The following MEIS1 variants were observed in gnomAD, a reference collection of about 807,000 sequenced individuals.
The protein encoded by MEIS1 is homeobox protein Meis1.
In MEIS1, 5 loss-of-function variants were observed where a neutral mutation model predicts 50.8. The observed-to-expected ratio is 0.10, with a 90% CI of 0.05 to 0.21. MEIS1 has a LOEUF of 0.21. Ranked by LOEUF, MEIS1 falls within the 10% of genes least tolerant of loss-of-function variation. The pLI is 1.00. For missense variants in MEIS1, 318 were observed against 517.3 expected (o/e 0.61, Z 3.74); for synonymous variants, 176 against 179.3 (o/e 0.98, Z 0.15).
chr2:66,472,246 G>A (rs762573169), intron 7 of MEIS1, among the ~76,000 whole-genome samples: 3 of 152,168 alleles, frequency 2.0e-5, no homozygotes, highest in Non-Finnish European at 4.4e-5. Flanking sequence ...TCTTCACATG[G>A]TGTCATTCTT....
chr2:66,509,171 A>G, intron 7 of MEIS1: 1 of 383,076 alleles, frequency 2.6e-6, no homozygotes, highest in East Asian at 8.1e-5. Context: ...ACATTTCCAG[A>G]TCAATTTTCA....
At chr2:66,469,456 C>G (rs1672717201) in intron 7 of MEIS1, among the ~76,000 whole-genome samples, 1 of 151,958 alleles carries the variant, frequency 6.6e-6, no homozygotes, top group Non-Finnish European at 1.5e-5. Flanking sequence ...GAGCACCGGG[C>G]GAGGGAGGTG....
intron 7 of MEIS1, among the ~76,000 whole-genome samples, chr2:66,478,224 T>A (rs1325872010): frequency 6.6e-6 from 1 of 152,056 alleles, no homozygotes; most frequent in Non-Finnish European, 1.5e-5. Flanking sequence ...TGGAAAACAT[T>A]AATTGCTCCA....
chr2:66,439,343 A>C, intron 2 of MEIS1: 3 of 1,189,110 alleles, frequency 2.5e-6, no homozygotes, highest in Admixed American at 4.3e-5. Context: ...CCCCACGGCC[A>C]TGGACGTCCT....
At chr2:66,473,397 A>AAAAAATATATATATATATAT in intron 7 of MEIS1, among the ~76,000 whole-genome samples, 18 of 107,564 alleles carry the variant, frequency 1.7e-4, no homozygotes, top group African/African-American at 9.3e-4. Context: ...AAAAAAAAAA[A>AAAAAATATATATATATATAT]ATATATATAT....
At chr2:66,539,753 A>T (rs1674606204) in intron 8 of MEIS1, among the ~76,000 whole-genome samples, 1 of 152,204 alleles carries the variant, frequency 6.6e-6, no homozygotes, top group Non-Finnish European at 1.5e-5. Context: ...ACTATTAATA[A>T]AGTTCCTTTG....
At position 66,567,527 on chromosome 2, in the gene MEIS1, T is replaced by G; in HGVS notation, c.1024+16T>G. The G allele has an allele frequency of 1.2e-6, 2 of 1,613,274 alleles. No individual in the cohort carries two copies. The highest frequency in any genetic ancestry group is 1.7e-6 in the Non-Finnish European group (2 of 1,179,530). The stretch of plus-strand genomic sequence containing the variant: ...AACCGAGCAGGCAAGTCCCCCATAG[T>G]GACTGTATTCAAGTCACGCAAGCGA... On this transcript the variant is annotated intron_variant, in intron 10 of 12. Transcript: ENST00000272369.
intron 6 of MEIS1, among the ~76,000 whole-genome samples, chr2:66,446,836 T>A (rs1672163499): frequency 6.6e-6 from 1 of 152,220 alleles, no homozygotes; most frequent in Non-Finnish European, 1.5e-5. Context: ...GCCAGGCCTC[T>A]GGGATCTGGG....
intron 7 of MEIS1, among the ~76,000 whole-genome samples, chr2:66,499,912 A>T (rs1333113675): frequency 6.6e-6 from 1 of 152,206 alleles, no homozygotes; most frequent in Non-Finnish European, 1.5e-5. Context: ...ATATGAGTTT[A>T]TGCACTGTGC....
intron 6 of MEIS1, among the ~76,000 whole-genome samples, chr2:66,444,705 G>C (rs1355648877): frequency 6.6e-6 from 1 of 152,204 alleles, no homozygotes; most frequent in Non-Finnish European, 1.5e-5. Flanking sequence ...CGCCAGCCCT[G>C]GCCCGGGAGC....
intron 9 of MEIS1, among the ~76,000 whole-genome samples, chr2:66,556,708 T>G (rs1675074712): frequency 1.3e-5 from 2 of 152,252 alleles, no homozygotes; most frequent in Non-Finnish European, 2.9e-5. Flanking sequence ...TGACTTTGTT[T>G]GTTTGCTAGT....
At chr2:66,462,394 C>T (rs1211230632) in intron 6 of MEIS1, among the ~76,000 whole-genome samples, 2 of 152,196 alleles carry the variant, frequency 1.3e-5, no homozygotes, top group Admixed American at 1.3e-4. Context: ...CTGCAGCCTC[C>T]CACATGTCTT....
chr2:66,549,703 G>A (rs1674872878), intron 9 of MEIS1, among the ~76,000 whole-genome samples: 1 of 152,126 alleles, frequency 6.6e-6, no homozygotes, highest in Admixed American at 6.5e-5. Flanking sequence ...TGCGGGCAAA[G>A]GAGTGGCAGG....
chr2:66,569,289 T>C, intron 12 of MEIS1, 144 bp downstream of exon 12: 1 of 674,554 alleles, frequency 1.5e-6, no homozygotes. Context: ...ATCATTTTCT[T>C]TTTGGTTGTG....
chr2:66,464,948 G>A (rs1039527204), intron 7 of MEIS1, among the ~76,000 whole-genome samples: 5 of 152,170 alleles, frequency 3.3e-5, no homozygotes, highest in East Asian at 1.9e-4. Flanking sequence ...ATGAGAGCCC[G>A]CTGTGTGGAT....
At chr2:66,521,510 C>A (rs1338978849) in intron 8 of MEIS1, among the ~76,000 whole-genome samples, 1 of 152,178 alleles carries the variant, frequency 6.6e-6, no homozygotes, top group Non-Finnish European at 1.5e-5. Context: ...GGCTGCTAAA[C>A]CCAGGAGAAT....
In MEIS1 at chr2:66,554,206, T is replaced by C. The variant is rs115078572; in HGVS notation, c.965+6187T>C. Among the ~76,000 whole-genome samples, 1,465 of 152,338 alleles carry C rather than the reference T, an allele frequency of 9.6e-3. 19 individuals are homozygous for C. Among genetic ancestry groups the C allele is most frequent in the African/African-American group, 0.034 (1,397 of 41,588 alleles). On this transcript the variant is annotated intron_variant, in intron 9 of 12. Coordinates refer to ENST00000272369, the MANE Select transcript of MEIS1 (RefSeq NM_002398.3). ...GGGACCCAATGTTTCTGAATATCCA[T>C]GATTCATTTCAAGGCAATGAAACCA... is the stretch of plus-strand genomic sequence containing the variant.
chr2:66,461,280 C>A (rs1009913500), intron 6 of MEIS1, among the ~76,000 whole-genome samples: 1 of 152,124 alleles, frequency 6.6e-6, no homozygotes, highest in African/African-American at 2.4e-5. Context: ...TGTAACTGAA[C>A]TTCTCTGTCC....
intron 8 of MEIS1, among the ~76,000 whole-genome samples, chr2:66,521,138 G>A (rs533156869): frequency 1.3e-5 from 2 of 152,342 alleles, no homozygotes; most frequent in East Asian, 3.9e-4. Context: ...GGCAAAGAAA[G>A]CTACATCTGT....
Sources: allele counts gnomAD v4.1 joint callset (sites outside exome capture counted in the v4.1 genomes callset), GRCh38; gene constraint gnomAD v4.1.1; transcripts MANE v1.5; gene names NCBI Gene and HGNC (gene_info 2026-07-23, HGNC 2026-07-21).